The following ARL15 variants were observed in gnomAD, a reference collection of about 807,000 sequenced individuals.
The protein encoded by ARL15 is ADP-ribosylation factor-like protein 15.
ARL15 carries 19 observed loss-of-function variants against 25.2 expected under a neutral mutation model. The observed-to-expected ratio is 0.75, with a 90% CI of 0.53 to 1.10. The LOEUF (loss-of-function observed/expected upper bound fraction) is 1.10, where lower values mean the gene tolerates loss of function less well. Ranked by LOEUF, ARL15 falls within the 50% of genes least tolerant of loss-of-function variation. The pLI, the probability that ARL15 is intolerant of heterozygous loss-of-function variation, is 0.00. For synonymous variants in ARL15, 94 were observed against 86.8 expected, an observed-to-expected ratio of 1.08 and a Z score of -0.46; for missense variants, 220 against 246.0, an observed-to-expected ratio of 0.89 and a Z score of 0.71.
chr5:54,053,371 T>G (rs1053456066), intron 4 of ARL15, among the ~76,000 whole-genome samples: 1 of 152,098 alleles, frequency 6.6e-6, no homozygotes, highest in African/African-American at 2.4e-5. Flanking sequence ...TGTAGAAAAA[T>G]TCCAAATAAT....
At chr5:53,904,738 CTTTTT>C (rs35684823) in intron 4 of ARL15, among the ~76,000 whole-genome samples, 2 of 126,188 alleles carry the variant, frequency 1.6e-5, no homozygotes, top group Admixed American at 1.7e-4. Flanking sequence ...TTTTTAGTTC[CTTTTT>C]TTTTTTTTTT....
rs543551399 is a variant in ARL15, at chr5:53,945,332, C to T, written c.463-58619G>A. Reference sequence around the variant, plus strand: ...GGGTATGTTTACTGAGTAGTTTAGACGTACATTGACATCAGACAGTTTATC... The same window carrying T: ...GGGTATGTTTACTGAGTAGTTTAGATGTACATTGACATCAGACAGTTTATC... On this transcript the variant is annotated intron_variant, in intron 4 of 4. Transcript: ENST00000504924. 5.3e-5 allele frequency among the ~76,000 whole-genome samples: 8 copies of T among 152,302 alleles called. No homozygotes were observed. In the East Asian group the frequency reaches 5.8e-4, roughly 11 times the overall value.
chr5:53,891,044 A>G (rs1490315334), intron 4 of ARL15, among the ~76,000 whole-genome samples: 1 of 152,164 alleles, frequency 6.6e-6, no homozygotes, highest in Non-Finnish European at 1.5e-5. Context: ...GTTCTTGCCA[A>G]TTTGGTGTGA....
At chr5:53,999,852 G>A (rs1009176007) in intron 4 of ARL15, among the ~76,000 whole-genome samples, 10 of 151,758 alleles carry the variant, frequency 6.6e-5, no homozygotes, top group Non-Finnish European at 1.0e-4. Context: ...CCAAGATCAC[G>A]CCATTGCACT....
At chr5:53,958,308 C>T (rs1248965909) in intron 4 of ARL15, among the ~76,000 whole-genome samples, 4 of 151,802 alleles carry the variant, frequency 2.6e-5, no homozygotes, top group Non-Finnish European at 5.9e-5. Flanking sequence ...AGAACAAAGC[C>T]GTACAGAAGC....
At chr5:54,257,314 C>T (rs1275285374) in intron 1 of ARL15, among the ~76,000 whole-genome samples, 1 of 152,144 alleles carries the variant, frequency 6.6e-6, no homozygotes, top group Admixed American at 6.5e-5. Context: ...TAGAAATACA[C>T]TTAACCAAAG....
chr5:54,192,746 G>GA (rs1312421802), intron 1 of ARL15, among the ~76,000 whole-genome samples: 1 of 151,712 alleles, frequency 6.6e-6, no homozygotes, highest in Admixed American at 6.6e-5. Context: ...TCTGTTGAGA[G>GA]AAAAAACAGA....
chr5:53,961,053 T>C (rs1747347025), intron 4 of ARL15, among the ~76,000 whole-genome samples: 2 of 152,150 alleles, frequency 1.3e-5, no homozygotes, highest in African/African-American at 4.8e-5. Context: ...CTACATCCAG[T>C]TGTGGACTGG....
chr5:54,003,951 T>C (rs888176644), intron 4 of ARL15, among the ~76,000 whole-genome samples: 3 of 152,152 alleles, frequency 2.0e-5, no homozygotes, highest in Admixed American at 6.5e-5. Flanking sequence ...AAGGAATCTT[T>C]AACAATGGCA....
At chr5:54,193,769 A>G (rs1217485661) in intron 1 of ARL15, among the ~76,000 whole-genome samples, 1 of 145,832 alleles carries the variant, frequency 6.9e-6, no homozygotes, top group Non-Finnish European at 1.5e-5. Context: ...CGACTTATGT[A>G]CTCTGCCTAG....
At chr5:53,900,015 A>G (rs1405121141) in intron 4 of ARL15, among the ~76,000 whole-genome samples, 2 of 152,228 alleles carry the variant, frequency 1.3e-5, no homozygotes, top group East Asian at 3.8e-4. Context: ...TTAACTCAGC[A>G]ATCCCTTCTA....
intron 1 of ARL15, among the ~76,000 whole-genome samples, chr5:54,290,993 A>G (rs1470415014): frequency 6.6e-6 from 1 of 152,210 alleles, no homozygotes. Flanking sequence ...GTACTTCTAT[A>G]TTAACTTACA....
chr5:54,138,398 G>A (rs1156511001), intron 3 of ARL15, among the ~76,000 whole-genome samples: 2 of 152,118 alleles, frequency 1.3e-5, no homozygotes, highest in African/African-American at 4.8e-5. Flanking sequence ...CTTTGGCAAA[G>A]CACACAAAAA....
At chr5:54,081,074 C>T (rs1053655702) in intron 4 of ARL15, among the ~76,000 whole-genome samples, 12 of 152,144 alleles carry the variant, frequency 7.9e-5, no homozygotes, top group African/African-American at 2.9e-4. Context: ...TTCCTAAAAA[C>T]CCTATCTCCA....
intron 4 of ARL15, among the ~76,000 whole-genome samples, chr5:54,014,214 T>C (rs1220606791): frequency 6.6e-6 from 1 of 152,128 alleles, no homozygotes; most frequent in Admixed American, 6.5e-5. Flanking sequence ...CCTGGTATAA[T>C]GAGTATTTTG....
chr5:53,940,999 G>A (rs1746523725), intron 4 of ARL15, among the ~76,000 whole-genome samples: 1 of 151,908 alleles, frequency 6.6e-6, no homozygotes, highest in Non-Finnish European at 1.5e-5. Flanking sequence ...TTAGTCAATG[G>A]GGTTCCTTTG....
At chr5:54,164,368 T>C (rs917256480) in intron 2 of ARL15, among the ~76,000 whole-genome samples, 2 of 152,104 alleles carry the variant, frequency 1.3e-5, no homozygotes, top group Admixed American at 1.3e-4. Context: ...TTATAAAATG[T>C]TAATCAGGTC....
In ARL15 at chr5:54,172,249, A is replaced by C. The variant is rs369195095; in HGVS notation, c.49-321T>G. ...ATCTGAATCTAAGCATGAGGAAACC[A>C]GATAAAGCCAATCTAAGGAGTATTC... On this transcript the variant is annotated intron_variant, in intron 1 of 4. Transcript: ENST00000504924. Among the ~76,000 whole-genome samples the C allele has an allele frequency of 5.3e-5, 8 of 152,338 alleles. No homozygotes were observed. In the South Asian group the frequency reaches 1.4e-3, roughly 28 times the overall value.
chr5:53,948,930 C>A, intron 4 of ARL15, among the ~76,000 whole-genome samples: 1 of 152,172 alleles, frequency 6.6e-6, no homozygotes, highest in East Asian at 1.9e-4. Flanking sequence ...CTCATACACA[C>A]ACAGAACCGC....
Sources: gnomAD v4.1 joint callset for allele counts (sites outside exome capture counted in the v4.1 genomes callset) on GRCh38, gnomAD v4.1.1 for gene constraint, MANE v1.5 for transcripts, NCBI Gene and HGNC (gene_info 2026-07-23, HGNC 2026-07-21) for gene names.